The following SLC24A2 variants were observed in gnomAD, a reference collection of about 807,000 sequenced individuals.
The protein encoded by SLC24A2 is solute carrier family 24 member 2.
In SLC24A2, 36 loss-of-function variants were observed where a neutral mutation model predicts 62.0. The observed-to-expected ratio is 0.58, with a 90% CI of 0.44 to 0.77. SLC24A2 has a LOEUF of 0.77. Among genes scored for constraint, SLC24A2 ranks in the 30% least tolerant of loss-of-function variants. The probability of loss-of-function intolerance (pLI) is 0.00; values close to 1 mark genes in which losing one functional copy is unlikely to be tolerated. For missense variants in SLC24A2, 846 were observed against 817.9 expected, an observed-to-expected ratio of 1.03 and a Z score of -0.42; for synonymous variants, 358 against 294.0, an observed-to-expected ratio of 1.22 and a Z score of -2.23.
the SLC24A2 span, among the ~76,000 whole-genome samples, chr9:19,804,574 G>C: frequency 4.6e-5 from 7 of 152,152 alleles, no homozygotes; most frequent in East Asian, 1.2e-3. Flanking sequence ...CTATGTTCAA[G>C]ATCCTGTCAT....
At chr9:19,521,399 C>G (rs1163261201) in intron 9 of SLC24A2, among the ~76,000 whole-genome samples, 2 of 152,166 alleles carry the variant, frequency 1.3e-5, no homozygotes, top group African/African-American at 4.8e-5. Context: ...CCATGGAATC[C>G]AGGGGGCAGC....
At chr9:19,642,085 C>G (rs1818512038) in intron 2 of SLC24A2, among the ~76,000 whole-genome samples, 1 of 151,996 alleles carries the variant, frequency 6.6e-6, no homozygotes. Flanking sequence ...GTGTTAAATT[C>G]CCAGGTCAGG....
At chr9:20,220,137 T>A in the SLC24A2 span, among the ~76,000 whole-genome samples, 1 of 152,132 alleles carries the variant, frequency 6.6e-6, no homozygotes, top group African/African-American at 2.4e-5. Context: ...CCTCATAACA[T>A]GATGGCTTCC....
chr9:20,181,720 C>T, the SLC24A2 span, among the ~76,000 whole-genome samples: 1 of 152,160 alleles, frequency 6.6e-6, no homozygotes, highest in Non-Finnish European at 1.5e-5. Flanking sequence ...AGGACATAGG[C>T]ATGGGCAAAG....
intron 8 of SLC24A2, among the ~76,000 whole-genome samples, chr9:19,534,903 T>A (rs1833883204): frequency 6.6e-6 from 1 of 152,160 alleles, no homozygotes; most frequent in Admixed American, 6.5e-5. Context: ...CAAATGGTAT[T>A]TCTAATTCTA....
At chr9:19,810,571 A>T in the SLC24A2 span, among the ~76,000 whole-genome samples, 1 of 152,220 alleles carries the variant, frequency 6.6e-6, no homozygotes, top group South Asian at 2.1e-4. Context: ...CTATGTAAAA[A>T]GAGGGTACAT....
intron 2 of SLC24A2, among the ~76,000 whole-genome samples, chr9:19,699,256 T>C (rs558356992): frequency 4.6e-5 from 7 of 152,248 alleles, no homozygotes; most frequent in South Asian, 2.1e-4. Context: ...TGGGAAAACA[T>C]ATTCAGTGTG....
At chr9:19,716,741 C>T (rs913874396) in intron 2 of SLC24A2, among the ~76,000 whole-genome samples, 8 of 152,300 alleles carry the variant, frequency 5.3e-5, no homozygotes, top group African/African-American at 1.9e-4. Flanking sequence ...CCACTATCAT[C>T]ATCCCCATTC....
the SLC24A2 span, among the ~76,000 whole-genome samples, chr9:20,200,907 G>C: frequency 5.9e-5 from 9 of 152,188 alleles, no homozygotes; most frequent in Non-Finnish European, 1.0e-4. Context: ...CACAAGTGTG[G>C]TAGTTTTGTT....
the SLC24A2 span, among the ~76,000 whole-genome samples, chr9:20,244,785 G>A: frequency 6.6e-6 from 1 of 152,162 alleles, no homozygotes; most frequent in Admixed American, 6.5e-5. Context: ...CTTTATAGAA[G>A]CAAATTTTTC....
chr9:20,036,171 T>C, the SLC24A2 span, among the ~76,000 whole-genome samples: 2 of 152,384 alleles, frequency 1.3e-5, no homozygotes, highest in East Asian at 1.9e-4. Flanking sequence ...TTAGTTTTAT[T>C]TGTTAATTCA....
chr9:20,273,329 C>G, the SLC24A2 span, among the ~76,000 whole-genome samples: 4 of 152,244 alleles, frequency 2.6e-5, no homozygotes, highest in East Asian at 7.7e-4. Flanking sequence ...TGCCTTATTC[C>G]CAGAGAAAAG....
intron 2 of SLC24A2, among the ~76,000 whole-genome samples, chr9:19,744,588 C>T (rs1564076576): frequency 6.6e-6 from 1 of 152,146 alleles, no homozygotes. Context: ...GATGTTGTCA[C>T]ATGGAAAGGA....
chr9:19,949,396 A>G, the SLC24A2 span, among the ~76,000 whole-genome samples: 951 of 152,342 alleles, frequency 6.2e-3, 21 homozygotes, highest in Middle Eastern at 0.031. Flanking sequence ...GCAGGCCAGC[A>G]AAAGAAGATA....
intron 2 of SLC24A2, among the ~76,000 whole-genome samples, chr9:19,775,419 C>G (rs545836391): frequency 6.6e-6 from 1 of 152,310 alleles, no homozygotes; most frequent in South Asian, 2.1e-4. Flanking sequence ...TGCAATCGTT[C>G]TATCTCAGAG....
intron 2 of SLC24A2, 122 bp from the exon 3 acceptor site, chr9:19,622,421 G>A (rs989652447): frequency 4.8e-6 from 5 of 1,045,064 alleles, no homozygotes; most frequent in South Asian, 2.7e-5. Context: ...TTCTGCTCCT[G>A]GGATGAGTTA....
the SLC24A2 span, among the ~76,000 whole-genome samples, chr9:20,238,171 C>G: frequency 0.01 from 1,544 of 152,266 alleles, 27 homozygotes; most frequent in African/African-American, 0.034. Context: ...AGGCCTGACA[C>G]CTGCCAAGTA....
the SLC24A2 span, among the ~76,000 whole-genome samples, chr9:20,305,909 T>C: frequency 3.3e-5 from 5 of 152,286 alleles, no homozygotes; most frequent in African/African-American, 1.2e-4. Flanking sequence ...GAGGCCTCTC[T>C]CCTTGACTTA....
rs1360519019 is a variant in SLC24A2 at position 19,509,759 on chromosome 9, T to G, written c.*6394A>C. On this transcript the variant is annotated 3_prime_UTR_variant, in exon 11 of 11. Transcript: ENST00000341998. ...GATTTTAAAAATTAGTATTTTCTTT[T>G]GGTTAGCTGAGTATTTTGGAGAACT... 1 of 152,222 alleles carries G rather than the reference T, an allele frequency of 6.6e-6. No individual in the cohort carries two copies. Among genetic ancestry groups the G allele is most frequent in the African/African-American group, 2.4e-5 (1 of 41,462 alleles). 9.4% of individuals were successfully genotyped at this position (152,222 alleles called of 1,614,324 possible).
Sources: gnomAD v4.1 joint callset for allele counts (sites outside exome capture counted in the v4.1 genomes callset) on GRCh38, gnomAD v4.1.1 for gene constraint, MANE v1.5 for transcripts, NCBI Gene and HGNC (gene_info 2026-07-23, HGNC 2026-07-21) for gene names.